NXPE3: variants seen among roughly 807,000 people sequenced by gnomAD.
The protein encoded by NXPE3 is neurexophilin and PC-esterase domain family member 3, also known as NXPE family member 3.
NXPE3 carries 26 observed loss-of-function variants against 46.1 expected under a neutral mutation model. That is an observed-to-expected ratio of 0.56 (90% CI 0.41 to 0.78). The LOEUF (loss-of-function observed/expected upper bound fraction) is 0.78, where lower values mean the gene tolerates loss of function less well. NXPE3 is among the 30% of genes least tolerant of loss of function. NXPE3 has a pLI of 0.00. For synonymous variants in NXPE3, 272 were observed against 257.9 expected (o/e 1.05, Z -0.52); for missense variants, 620 against 686.0 (o/e 0.90, Z 1.07).
At chr3:101,783,905 A>T (rs1376226787) in intron 3 of NXPE3, among the ~76,000 whole-genome samples, 3 of 152,096 alleles carry the variant, frequency 2.0e-5, no homozygotes, top group Non-Finnish European at 2.9e-5. Flanking sequence ...GAGTGTCTGG[A>T]TATTGGAGAG....
rs1303198012 is a variant in NXPE3, at chr3:101,825,269, T to A, written c.*3315T>A. On this transcript the variant is annotated 3_prime_UTR_variant, in exon 8 of 8. Transcript: ENST00000273347. ...AACAACTTTCATCCCACATCTAATT[T>A]GTCTTTCTTCACTCTGGTGTGGAAA... 6.6e-6 allele frequency: 1 copy of A among 152,222 alleles called. No individual in the cohort carries two copies. Among genetic ancestry groups the A allele is most frequent in the Non-Finnish European group, 1.5e-5 (1 of 68,036 alleles). The allele number at this position is 152,222 out of a possible 1,614,324, so 9.4% of individuals were successfully genotyped here.
chr3:101,788,961 A>G (rs34263427), intron 4 of NXPE3, among the ~76,000 whole-genome samples: 46,813 of 152,050 alleles, frequency 0.31, 7,417 homozygotes, highest in Non-Finnish European at 0.34. Context: ...ATAGATTTCC[A>G]AAACCCCTTT....
intron 6 of NXPE3, among the ~76,000 whole-genome samples, chr3:101,809,903 C>T: frequency 6.6e-6 from 1 of 152,094 alleles, no homozygotes; most frequent in Non-Finnish European, 1.5e-5. Context: ...TTTGCCTTAG[C>T]CTTAGAAGGG....
intron 6 of NXPE3, among the ~76,000 whole-genome samples, chr3:101,816,499 C>A (rs938490156): frequency 6.6e-6 from 1 of 152,058 alleles, no homozygotes; most frequent in Non-Finnish European, 1.5e-5. Context: ...TCAACTCCTA[C>A]TTATGAGTGA....
chr3:101,806,612 G>A (rs1346397061), intron 5 of NXPE3, among the ~76,000 whole-genome samples: 1 of 152,192 alleles, frequency 6.6e-6, no homozygotes, highest in Admixed American at 6.5e-5. Context: ...GTATCTGGGG[G>A]GCAAGTGTCC....
intron 4 of NXPE3, among the ~76,000 whole-genome samples, chr3:101,789,216 T>C (rs1187847754): frequency 6.6e-6 from 1 of 152,236 alleles, no homozygotes; most frequent in Non-Finnish European, 1.5e-5. Context: ...TTTTGAGATC[T>C]TTCTTTTCTA....
intron 4 of NXPE3, among the ~76,000 whole-genome samples, chr3:101,794,503 A>G (rs1457631365): frequency 6.6e-6 from 1 of 152,184 alleles, no homozygotes; most frequent in African/African-American, 2.4e-5. Context: ...GGGACTTGAA[A>G]TAATGGTTTT....
Position 101,821,550 on chromosome 3 carries a change from G to A in NXPE3, c.1276G>A (p.Ala426Thr). Residue 426 changes from alanine to threonine, a missense_variant, in exon 8 of 8, where the codon GCG (alanine) becomes ACG (threonine). Physicochemically the swap from Ala to Thr is moderately conservative, Grantham distance 58 (BLOSUM62 0). This residue lies in a region of NXPE3 where 511 missense variants were observed against 528.6 expected (regional missense o/e 0.97). Coordinates refer to ENST00000273347, the MANE Select transcript of NXPE3 (RefSeq NM_145037.4). Reference protein sequence around the residue: ...TVFSNELHYVANELNGIVGGK... With the variant: ...TVFSNELHYVTNELNGIVGGK... ...CTTTAGCAATGAGCTCCATTATGTGGCGAATGAGCTGAATGGCATTGTGGG... is the reference window on the plus strand; with the variant it reads ...CTTTAGCAATGAGCTCCATTATGTGACGAATGAGCTGAATGGCATTGTGGG... 2 of 1,614,178 alleles carry A rather than the reference G, an allele frequency of 1.2e-6. No individual in the cohort carries two copies. Among genetic ancestry groups the A allele is most frequent in the Non-Finnish European group, 1.7e-6 (2 of 1,180,038 alleles).
At chr3:101,809,514 C>G (rs372955572) in intron 6 of NXPE3, among the ~76,000 whole-genome samples, 1 of 152,224 alleles carries the variant, frequency 6.6e-6, no homozygotes, top group South Asian at 2.1e-4. Context: ...TTCATCAGAT[C>G]TTGCCTGTGG....
chr3:101,818,715 TTATATATATATATATATATATA>T (rs61602305), intron 7 of NXPE3, among the ~76,000 whole-genome samples: 4 of 38,046 alleles, frequency 1.1e-4, no homozygotes, highest in African/African-American at 2.2e-4. Context: ...ATATGACAAT[TTATATATATATATATATATATA>T]TATATATATA....
At position 101,820,122 on chromosome 3, in the gene NXPE3, CAG is replaced by C. The variant is rs72328114; in HGVS notation, c.1130-1280_1130-1279del. Among the ~76,000 whole-genome samples the C allele has an allele frequency of 9.0e-3, 1,374 of 152,202 alleles. 20 individuals are homozygous for C. Among genetic ancestry groups the C allele is most frequent in the African/African-American group, 0.031 (1,302 of 41,526 alleles). On this transcript the variant is annotated intron_variant, in intron 7 of 7. Coordinates refer to ENST00000273347, the MANE Select transcript of NXPE3 (RefSeq NM_145037.4). Reference sequence around the variant, plus strand: ...TGGTTGCTGATATGTGCTCATAAAACAGAAGTTAAAGCCCATGTCTTGAGAGA... The same window carrying C: ...TGGTTGCTGATATGTGCTCATAAAACAAGTTAAAGCCCATGTCTTGAGAGA...
Position 101,824,761 on chromosome 3 carries a change from GA to G in NXPE3, c.*2810del, listed in dbSNP as rs1279420018. ...CCCAGCTGAGAGTTTTTCTTGTCGT[GA>G]AAGAACTTGACATTTCCTCAAGGAT... On this transcript the variant is annotated 3_prime_UTR_variant, in exon 8 of 8. Coordinates refer to ENST00000273347, the MANE Select transcript of NXPE3 (RefSeq NM_145037.4). 1 of 152,158 alleles carries G rather than the reference GA, an allele frequency of 6.6e-6. No individual in the cohort carries two copies. The highest frequency in any genetic ancestry group is 1.5e-5 in the Non-Finnish European group (1 of 68,034). The allele number at this position is 152,158 out of a possible 1,614,324, so 9.4% of individuals were successfully genotyped here.
rs766462727 is a variant in NXPE3 at position 101,821,728 on chromosome 3, A to T, written c.1454A>T (p.Asn485Ile). 1 of 1,614,196 alleles carries T rather than the reference A, an allele frequency of 6.2e-7. No individual in the cohort carries two copies. The highest frequency in any genetic ancestry group is 8.5e-7 in the Non-Finnish European group (1 of 1,180,024). Residue 485 changes from asparagine to isoleucine, a missense_variant, in exon 8 of 8, where the codon AAC becomes ATC. Physicochemically the swap from Asn to Ile is moderately radical, Grantham distance 149 (BLOSUM62 -3). This residue lies in a region of NXPE3 where 75 missense variants were observed against 121.1 expected (regional missense o/e 0.62). Coordinates refer to ENST00000273347, the MANE Select transcript of NXPE3 (RefSeq NM_145037.4). Reference sequence around the variant, plus strand: ...ACCGTGGTGGTCATCCGGACGGCCAACGCCCAAGAGCTGGGACCTGAGGTG... The same window carrying T: ...ACCGTGGTGGTCATCCGGACGGCCATCGCCCAAGAGCTGGGACCTGAGGTG... ...PKTVVVIRTANAQELGPEVSL... is the reference protein window; with the variant it reads ...PKTVVVIRTAIAQELGPEVSL...
chr3:101,791,034 A>G (rs929552801), intron 4 of NXPE3, among the ~76,000 whole-genome samples: 1 of 152,190 alleles, frequency 6.6e-6, no homozygotes. Context: ...GGGTTTGTGT[A>G]CATATTATTT....
intron 6 of NXPE3, among the ~76,000 whole-genome samples, chr3:101,811,389 T>C (rs1941699758): frequency 6.6e-6 from 1 of 152,232 alleles, no homozygotes; most frequent in Non-Finnish European, 1.5e-5. Flanking sequence ...GACCCTAGCA[T>C]GCGCTTTACT....
At chr3:101,803,072 A>T (rs922409434) in intron 5 of NXPE3, among the ~76,000 whole-genome samples, 17 of 152,152 alleles carry the variant, frequency 1.1e-4, no homozygotes, top group African/African-American at 3.9e-4. Context: ...AAGAATGTAT[A>T]CATGTTTTTT....
At chr3:101,788,960 C>T (rs565548460) in intron 4 of NXPE3, among the ~76,000 whole-genome samples, 11 of 152,208 alleles carry the variant, frequency 7.2e-5, no homozygotes, top group African/African-American at 2.2e-4. Context: ...AATAGATTTC[C>T]AAAACCCCTT....
chr3:101,808,251 A>G (rs1028731255), intron 6 of NXPE3, among the ~76,000 whole-genome samples: 6 of 152,238 alleles, frequency 3.9e-5, no homozygotes, highest in Admixed American at 2.0e-4. Context: ...ATAATTAGCT[A>G]TCGTGATTTT....
At chr3:101,813,615 G>T (rs1221161607) in intron 6 of NXPE3, among the ~76,000 whole-genome samples, 1 of 152,122 alleles carries the variant, frequency 6.6e-6, no homozygotes, top group African/African-American at 2.4e-5. Flanking sequence ...TTCTGGTTTT[G>T]CCCAAATCTT....
Sources: gnomAD v4.1 joint callset for allele counts (sites outside exome capture counted in the v4.1 genomes callset) on GRCh38, gnomAD v4.1.1 for gene constraint, gnomAD v4.1.1 regional missense constraint, MANE v1.5 for transcripts, NCBI Gene and HGNC (gene_info 2026-07-23, HGNC 2026-07-21) for gene names.